Variants in ABCC8 observed in about 807,000 individuals in gnomAD.
The protein encoded by ABCC8 is ATP binding cassette subfamily C member 8.
A neutral mutation model predicts 188.0 loss-of-function variants in ABCC8; 137 were observed. That is an observed-to-expected ratio of 0.73 (90% confidence interval 0.63 to 0.84). The LOEUF (loss-of-function observed/expected upper bound fraction) is 0.84, where lower values mean the gene tolerates loss of function less well. ABCC8 is among the 40% of genes least tolerant of loss of function. The pLI, the probability that ABCC8 is intolerant of heterozygous loss-of-function variation, is 0.00. For missense variants in ABCC8, 1,750 were observed against 2,072.7 expected (o/e 0.84, Z 3.02); for synonymous variants, 797 against 846.5 (o/e 0.94, Z 1.01).
chr11:17,413,082 T>A lies in ABCC8; in HGVS notation c.2475+312A>T, dbSNP rs1252952870. The A allele has an allele frequency of 1.3e-5, 8 of 597,556 alleles. No homozygotes were observed. In the East Asian group the frequency reaches 2.1e-4, roughly 16 times the overall value. The allele number at this position is 597,556 out of a possible 1,614,324, so 37.0% of individuals were successfully genotyped here. ...GTCTAAGCTTGTGGAGGGGACCCCA[T>A]CTGGAGGATGAACAGGAACAATACA... On this transcript the variant is annotated intron_variant, in intron 20 of 38. Transcript: ENST00000389817.
chr11:17,409,868 G>C (rs1954725665), intron 22 of ABCC8, among the ~76,000 whole-genome samples: 1 of 152,120 alleles, frequency 6.6e-6, no homozygotes, highest in Admixed American at 6.5e-5. Flanking sequence ...TAATATTGAA[G>C]TTTCTTTCTT....
rs765884720 is a variant in ABCC8 at position 17,404,726 on chromosome 11, G to C, written c.3400-57C>G. The C allele has an allele frequency of 3.3e-5, 52 of 1,557,238 alleles. No homozygotes were observed. The highest frequency in any genetic ancestry group is 4.4e-5 in the Non-Finnish European group (51 of 1,151,214). On this transcript the variant is annotated intron_variant, in intron 27 of 38. Coordinates refer to ENST00000389817, the MANE Select transcript of ABCC8 (RefSeq NM_000352.6). The surrounding 1 kb of genome is among the most constrained non-coding windows in gnomAD (Gnocchi z 4.7). ...AATTTTGGTATTGACTGTGTTTAGA[G>C]TGCTACTGGCCGCCATGTTTTGCTC...
intron 10 of ABCC8, among the ~76,000 whole-genome samples, chr11:17,434,277 G>A (rs925661337): frequency 5.3e-5 from 8 of 152,168 alleles, no homozygotes; most frequent in African/African-American, 1.9e-4. Context: ...CACATTCTGG[G>A]GCTTGACTCC....
At chr11:17,399,755 A>T (rs749632398) in intron 29 of ABCC8, among the ~76,000 whole-genome samples, 3 of 152,194 alleles carry the variant, frequency 2.0e-5, no homozygotes, top group Non-Finnish European at 4.4e-5. Context: ...GGCACTATCA[A>T]TAAATATTTG....
Position 17,412,592 on chromosome 11 carries a change from G to A in ABCC8, c.2556+74C>T, listed in dbSNP as rs988144337. 3.9e-6 allele frequency: 6 copies of A among 1,530,174 alleles called. No homozygotes were observed. In the African/African-American group the frequency reaches 6.9e-5, roughly 18 times the overall value. The allele number at this position is 1,530,174 out of a possible 1,614,324, so 94.8% of individuals were successfully genotyped here. On this transcript the variant is annotated intron_variant, in intron 21 of 38. Coordinates refer to ENST00000389817, the MANE Select transcript of ABCC8 (RefSeq NM_000352.6). ...GAGATTGTTGGATGATGGTGGGGTT[G>A]CGGGGAGGTGGAGGTGGGCAGTTAG...
At chr11:17,415,903 G>T (rs960108396) in intron 17 of ABCC8, among the ~76,000 whole-genome samples, 2 of 152,228 alleles carry the variant, frequency 1.3e-5, no homozygotes, top group African/African-American at 4.8e-5. Context: ...TGGGGGATCT[G>T]CCAGGGATGT....
At chr11:17,450,267 TTTCTTTCTTTC>T (rs1956722653) in intron 7 of ABCC8, among the ~76,000 whole-genome samples, 1 of 102,522 alleles carries the variant, frequency 9.8e-6, no homozygotes, top group Non-Finnish European at 2.0e-5. Context: ...TTTCTCTTTC[TTTCTTTCTTTC>T]TTTCTTTCTT....
intron 38 of ABCC8, 29 bp from the exon 39 acceptor site, chr11:17,393,157 G>T (rs749347381): frequency 1.2e-6 from 2 of 1,606,954 alleles, no homozygotes; most frequent in Non-Finnish European, 1.7e-6. Flanking sequence ...GGCGGGTCAG[G>T]ATGGTGGGAA....
rs1957198348 is a variant in ABCC8, at chr11:17,461,712, C to T, written c.693G>A (p.Trp231Ter). The T allele has an allele frequency of 1.2e-6, 2 of 1,614,080 alleles. No individual in the cohort carries two copies. The highest frequency in any genetic ancestry group is 2.7e-5 in the African/African-American group (2 of 74,930). ...CAGTCTTGATGAAGGCGTTCATCCA[C>T]CAGTAGGTGCCTTTGGACAGCAGAT... ...FVNLLSKGTY[W>*]WMNAFIKTAH... Residue 231 changes from tryptophan to a stop codon, truncating the protein, a stop_gained, in exon 5 of 39, where the codon TGG (tryptophan) becomes TGA (stop). Coordinates refer to ENST00000389817, the MANE Select transcript of ABCC8 (RefSeq NM_000352.6). LOFTEE classifies it high-confidence loss of function.
Position 17,395,925 on chromosome 11 carries a change from C to A in ABCC8, c.4125G>T (p.Gly1375=). 1 of 1,580,104 alleles carries A rather than the reference C, an allele frequency of 6.3e-7. No individual in the cohort carries two copies. Among genetic ancestry groups the A allele is most frequent in the Non-Finnish European group, 8.6e-7 (1 of 1,161,186 alleles). The change falls in exon 34 of 39, where the codon GGG becomes GGT. Residue 1375 remains glycine (G), a synonymous_variant. Coordinates refer to ENST00000389817, the MANE Select transcript of ABCC8 (RefSeq NM_000352.6). The stretch of plus-strand genomic sequence containing the variant: ...TCCCACTGCCGGTGCGGCCGCAGAT[C>A]CCGATCTGGAAAGAGAGAAGCAGGC... The part of the protein sequence containing the change: ...NALIAPGQKI[G]ICGRTGSGKS...
intron 16 of ABCC8, among the ~76,000 whole-genome samples, chr11:17,425,237 G>A (rs1270423833): frequency 6.6e-6 from 1 of 152,176 alleles, no homozygotes; most frequent in Non-Finnish European, 1.5e-5. Context: ...GTCCCTGATG[G>A]GAGGTGATGG....
chr11:17,437,226 C>A (rs530397555), intron 10 of ABCC8, among the ~76,000 whole-genome samples: 1 of 152,048 alleles, frequency 6.6e-6, no homozygotes, highest in Non-Finnish European at 1.5e-5. Flanking sequence ...TACCCTCAAC[C>A]CTTGCCCCAT....
At chr11:17,476,497 C>G in intron 1 of ABCC8, 132 bp downstream of exon 1, 4 of 1,137,680 alleles carry the variant, frequency 3.5e-6, no homozygotes, top group Non-Finnish European at 5.0e-6. Flanking sequence ...GGACACAGGG[C>G]AGGGGACCCC....
intron 3 of ABCC8, among the ~76,000 whole-genome samples, chr11:17,469,638 G>A (rs928805745): frequency 3.3e-5 from 5 of 151,920 alleles, no homozygotes; most frequent in Non-Finnish European, 7.4e-5. Flanking sequence ...ACTCTTGCTC[G>A]CTCCTCTCCT....
At chr11:17,401,379 A>G (rs974704206) in intron 29 of ABCC8, among the ~76,000 whole-genome samples, 2 of 152,218 alleles carry the variant, frequency 1.3e-5, no homozygotes, top group African/African-American at 2.4e-5. Context: ...CGCCAAGGCC[A>G]GGGCAGAGCT....
intron 28 of ABCC8, 89 bp from the exon 29 acceptor site, chr11:17,402,842 G>A: frequency 6.6e-7 from 1 of 1,507,986 alleles, no homozygotes. Context: ...CTACCGCTGT[G>A]TGGGTGAATG....
At chr11:17,411,339 T>C (rs1001080485) in intron 21 of ABCC8, among the ~76,000 whole-genome samples, 2 of 152,228 alleles carry the variant, frequency 1.3e-5, no homozygotes, top group African/African-American at 2.4e-5. Flanking sequence ...GAGTAGACGC[T>C]TCATAAACGT....
chr11:17,396,096 C>T, intron 33 of ABCC8, 166 bp from the exon 34 acceptor site: 1 of 1,450,598 alleles, frequency 6.9e-7, no homozygotes, highest in African/African-American at 1.4e-5. Context: ...GGCTTGTTTC[C>T]TGCAGTGGGT....
intron 16 of ABCC8, among the ~76,000 whole-genome samples, chr11:17,421,814 G>T (rs552738701): frequency 1.8e-4 from 27 of 152,278 alleles, no homozygotes; most frequent in Non-Finnish European, 3.4e-4. Context: ...GTCACTGGAG[G>T]AATAAACGAA....
Sources: gnomAD v4.1 joint callset for allele counts (sites outside exome capture counted in the v4.1 genomes callset) on GRCh38, gnomAD v4.1.1 for gene constraint, Gnocchi (gnomAD v3.1) non-coding constraint, MANE v1.5 for transcripts, NCBI Gene and HGNC (gene_info 2026-07-23, HGNC 2026-07-21) for gene names.